Variants in TTN observed in about 807,000 individuals in gnomAD.
TTN encodes the protein connectin.
TTN carries 1,525 observed loss-of-function variants against 3,223.0 expected under a neutral mutation model. The ratio of observed to expected loss-of-function variants is 0.47; its 90% CI spans 0.45 to 0.49. TTN has a LOEUF of 0.49. Ranked by LOEUF, TTN falls within the 20% of genes least tolerant of loss-of-function variation. The probability of loss-of-function intolerance (pLI) is 0.00; values close to 1 mark genes in which losing one functional copy is unlikely to be tolerated. For missense variants in TTN, 40,786 were observed against 43,424.0 expected, an observed-to-expected ratio of 0.94 and a Z score of 5.40; for synonymous variants, 14,094 against 15,161.0, an observed-to-expected ratio of 0.93 and a Z score of 5.17.
rs2046840597 is a variant in TTN at position 178,578,049 on chromosome 2, A to G, written c.68466T>C (p.Asn22822=). 6.2e-7 allele frequency: 1 copy of G among 1,613,144 alleles called. No individual in the cohort carries two copies. The highest frequency in any genetic ancestry group is 1.3e-5 in the African/African-American group (1 of 74,880). Residue 22822 remains asparagine (N), a synonymous_variant, in exon 322 of 363, where the codon AAT becomes AAC. Coordinates refer to ENST00000589042, the MANE Select transcript of TTN (RefSeq NM_001267550.2). ...LEYEFRVMAI[N]LAGVGKPSLP... Reference sequence around the variant, plus strand: ...GGCTTGGCTTGCCCACACCTGCTAAATTGATTGCCATAACTCGGAATTCAT... The same window carrying G: ...GGCTTGGCTTGCCCACACCTGCTAAGTTGATTGCCATAACTCGGAATTCAT...
At position 178,610,246 on chromosome 2, in the gene TTN, A is replaced by G; in HGVS notation, c.51280T>C (p.Tyr17094His). The G allele has an allele frequency of 2.5e-6, 4 of 1,613,004 alleles. No individual in the cohort carries two copies. The highest frequency in any genetic ancestry group is 1.7e-6 in the Non-Finnish European group (2 of 1,179,288). The change falls in exon 271 of 363, where the codon TAT becomes CAT. Residue 17094 changes from tyrosine (Y) to histidine (H), a missense_variant. Tyr to His is a moderately conservative substitution (Grantham distance 83). Coordinates refer to ENST00000589042, the MANE Select transcript of TTN (RefSeq NM_001267550.2). ...TTCTCACCAGACATGACTGGTATAT[A>G]TGTTCTCCTCCCAGCTTCTCTGCGC... ...LERREAGRRTYIPVMSGENKL... is the reference protein window; with the variant it reads ...LERREAGRRTHIPVMSGENKL...
chr2:178,527,624 AC>A lies in TTN; in HGVS notation c.107501del (p.Ser35834IlefsTer10). The A allele has an allele frequency of 6.2e-7, 1 of 1,613,966 alleles. No individual in the cohort carries two copies. Among genetic ancestry groups the A allele is most frequent in the Non-Finnish European group, 8.5e-7 (1 of 1,179,848 alleles). Reference protein sequence around the residue: ...SASKQEASFSSFSSSSASSMT... With the variant: ...SASKQEASFSXFSSSSASSMT... Reference sequence around the variant, plus strand: ...TGCTGCTAGCACTGCTGCTGCTGAAACTGCTGAAGGAGGCCTCCTGCTTGGA... The same window carrying A: ...TGCTGCTAGCACTGCTGCTGCTGAAATGCTGAAGGAGGCCTCCTGCTTGGA... On this transcript the variant is annotated frameshift_variant, in exon 362 of 363. Coordinates refer to ENST00000589042, the MANE Select transcript of TTN (RefSeq NM_001267550.2). LOFTEE classifies it high-confidence loss of function.
Position 178,707,598 on chromosome 2 carries a change from A to T in TTN, c.28969T>A (p.Ser9657Thr). 6.2e-7 allele frequency: 1 copy of T among 1,613,870 alleles called. No individual in the cohort carries two copies. ...LELRDVAKAD[S>T]GDYVCKASNV... ...GAAGCTTTACACACATAATCTCCCG[A>T]ATCTGCTTTAGCCACATCTCTGAGT... Residue 9657 changes from serine to threonine, a missense_variant, in exon 100 of 363, where the codon TCG becomes ACG. Ser to Thr is a moderately conservative substitution (Grantham distance 58). Coordinates refer to ENST00000589042, the MANE Select transcript of TTN (RefSeq NM_001267550.2).
At position 178,768,098 on chromosome 2, in the gene TTN, C is replaced by G; in HGVS notation, c.9221G>C (p.Arg3074Pro). The G allele has an allele frequency of 6.2e-7, 1 of 1,614,072 alleles. No homozygotes were observed. The highest frequency in any genetic ancestry group is 2.2e-5 in the East Asian group (1 of 44,834). The change falls in exon 39 of 363, where the codon CGA (arginine) becomes CCA (proline). Residue 3074 changes from arginine to proline, a missense_variant. Coordinates refer to ENST00000589042, the MANE Select transcript of TTN (RefSeq NM_001267550.2). ...AGAAACTTCACATTCAAACATGGCT[C>G]GCTTCTTCTCCAGTACCTTAATGTC... Reference protein sequence around the residue: ...IKDIKVLEKKRAMFECEVSEP... With the variant: ...IKDIKVLEKKPAMFECEVSEP...
intron 62 of TTN, 31 bp downstream of exon 62, chr2:178,730,062 G>C: frequency 9.8e-7 from 1 of 1,018,792 alleles, no homozygotes; most frequent in Non-Finnish European, 1.4e-6. Context: ...ATCTAGACAA[G>C]CAAGAAAGTG....
In TTN at chr2:178,556,939, C is replaced by T; in HGVS notation, c.88215G>A (p.Gln29405=). 6.2e-7 allele frequency: 1 copy of T among 1,613,770 alleles called. No homozygotes were observed. The highest frequency in any genetic ancestry group is 8.5e-7 in the Non-Finnish European group (1 of 1,179,812). Reference sequence around the variant, plus strand: ...TCCTAGCAAAGACACGGAATTCATACTGGGAATTCTGAGTCAAGCCAGAGA... The same window carrying T: ...TCCTAGCAAAGACACGGAATTCATATTGGGAATTCTGAGTCAAGCCAGAGA... The part of the protein sequence containing the change: ...FIISGLTQNS[Q]YEFRVFARNA... Residue 29405 remains glutamine (Q), a synonymous_variant, in exon 330 of 363, where the codon CAG becomes CAA. Coordinates refer to ENST00000589042, the MANE Select transcript of TTN (RefSeq NM_001267550.2).
At position 178,552,101 on chromosome 2, in the gene TTN, T is replaced by C. The variant is rs377365979; in HGVS notation, c.90799A>G (p.Thr30267Ala). Residue 30267 changes from threonine to alanine, a missense_variant, in exon 335 of 363, where the codon ACT becomes GCT. Thr to Ala is a moderately conservative substitution (Grantham distance 58). Transcript: ENST00000589042. ...ACCATCTTCCAGTTAGTTTGTGAAG[T>C]TTCCCGCTTCTCGATGCTGTAACAA... ...ITCYSIEKRETSQTNWKMVCS... is the reference protein window; with the variant it reads ...ITCYSIEKREASQTNWKMVCS... 5.6e-6 allele frequency: 9 copies of C among 1,613,656 alleles called. No homozygotes were observed. The highest frequency in any genetic ancestry group is 7.6e-6 in the Non-Finnish European group (9 of 1,179,772).
In TTN at chr2:178,571,850, C is replaced by G. The variant is rs1708301817; in HGVS notation, c.74282G>C (p.Arg24761Thr). 1.9e-6 allele frequency: 3 copies of G among 1,613,560 alleles called. No homozygotes were observed. Among genetic ancestry groups the G allele is most frequent in the Non-Finnish European group, 1.7e-6 (2 of 1,179,604 alleles). ...KDNVPLKQTT[R>T]VNAESTENNS... is the part of the protein sequence containing the mutation. ...ATTTTCTGTGCTCTCTGCATTTACT[C>G]TAGTTGTCTGCTTCAGTGGTACATT... The change falls in exon 326 of 363, where the codon AGA becomes ACA. Residue 24761 changes from arginine to threonine, a missense_variant. By Grantham distance (71) the Arg-to-Thr change is moderately conservative. Coordinates refer to ENST00000589042, the MANE Select transcript of TTN (RefSeq NM_001267550.2).
Position 178,554,761 on chromosome 2 carries a change from G to A in TTN, c.88595-9C>T. ...AGGTGGGCCTGGTTTGTCTATCAGT[G>A]AAAGGACAAAACACGATGTTAGTAC... On this transcript the variant is annotated splice_polypyrimidine_tract_variant and intron_variant, in intron 331 of 362. Transcript: ENST00000589042. 1 of 1,612,974 alleles carries A rather than the reference G, an allele frequency of 6.2e-7. No homozygotes were observed. The highest frequency in any genetic ancestry group is 8.5e-7 in the Non-Finnish European group (1 of 1,179,656).
intron 218 of TTN, among the ~76,000 whole-genome samples, chr2:178,643,522 TTAATG>T (rs2061508512): frequency 6.6e-6 from 1 of 151,964 alleles, no homozygotes; most frequent in Non-Finnish European, 1.5e-5. Flanking sequence ...ATGCATCTAA[TTAATG>T]TAAAGTGAGG....
rs1263615793 is a variant in TTN at position 178,566,318 on chromosome 2, C to G, written c.79814G>C (p.Arg26605Thr). 1.2e-6 allele frequency: 2 copies of G among 1,613,628 alleles called. No homozygotes were observed. The highest frequency in any genetic ancestry group is 1.7e-6 in the Non-Finnish European group (2 of 1,179,690). The change falls in exon 326 of 363, where the codon AGA (arginine) becomes ACA (threonine). Residue 26605 changes from arginine to threonine, a missense_variant. Coordinates refer to ENST00000589042, the MANE Select transcript of TTN (RefSeq NM_001267550.2). ...DSELRKGIVV[R>T]AGGSARIHIP... ...GTGAATTCTGGCAGATCCACCAGCT[C>G]TTACAACAATTCCTTTTCTTAATTC...
At chr2:178,746,132 T>C (rs1560965692) in intron 47 of TTN, 3 of 1,613,490 alleles carry the variant, frequency 1.9e-6, no homozygotes, top group Admixed American at 1.7e-5. Context: ...TTTAATATTA[T>C]CTGGCTCAAT....
Position 178,770,685 on chromosome 2 carries a change from A to T in TTN, c.8117-10T>A. ...TTCTTAATTTTGACAGCTAAAGACA[A>T]ATTTATGATTGGGTTAGAAAATATA... is the stretch of plus-strand genomic sequence containing the variant. On this transcript the variant is annotated splice_polypyrimidine_tract_variant and intron_variant, in intron 34 of 362. Coordinates refer to ENST00000589042, the MANE Select transcript of TTN (RefSeq NM_001267550.2). The T allele has an allele frequency of 6.2e-7, 1 of 1,608,888 alleles. No individual in the cohort carries two copies. Among genetic ancestry groups the T allele is most frequent in the Non-Finnish European group, 8.5e-7 (1 of 1,179,880 alleles).
At chr2:178,624,048 TC>T (rs2058681739) in intron 242 of TTN, among the ~76,000 whole-genome samples, 1 of 151,918 alleles carries the variant, frequency 6.6e-6, no homozygotes, top group Non-Finnish European at 1.5e-5. Context: ...TTCTAGTTGT[TC>T]CCCACACCTG....
chr2:178,607,908 G>C lies in TTN; in HGVS notation c.52879C>G (p.Arg17627Gly). 6.2e-7 allele frequency: 1 copy of C among 1,612,970 alleles called. No homozygotes were observed. The highest frequency in any genetic ancestry group is 8.5e-7 in the Non-Finnish European group (1 of 1,179,332). Residue 17627 changes from arginine (R) to glycine (G), a missense_variant, in exon 276 of 363, where the codon CGT becomes GGT. Transcript: ENST00000589042. ...SRCTEKMIKV[R>G]QYTVKEIREG... is the part of the protein sequence containing the mutation. ...CGGATTTCTTTGACGGTGTACTGACGGACCTTGATCATCTTCTCTGTGCAG... is the reference window on the plus strand; with the variant it reads ...CGGATTTCTTTGACGGTGTACTGACCGACCTTGATCATCTTCTCTGTGCAG...
In TTN at chr2:178,527,452, T is replaced by C. The variant is rs1426854550; in HGVS notation, c.107674A>G (p.Ile35892Val). ...CAGTAATTTTATTGCTCACCTCTTA[T>C]GCCTGCTTTAAGCATTTTACTAGTT... ...SSTSKMLKAG[I>V]RGIPPKIEAL... is the part of the protein sequence containing the mutation. The change falls in exon 362 of 363, where the codon ATA becomes GTA. Residue 35892 changes from isoleucine (I) to valine (V), a missense_variant. Coordinates refer to ENST00000589042, the MANE Select transcript of TTN (RefSeq NM_001267550.2). 2 of 1,612,976 alleles carry C rather than the reference T, an allele frequency of 1.2e-6. No individual in the cohort carries two copies. The highest frequency in any genetic ancestry group is 8.5e-7 in the Non-Finnish European group (1 of 1,179,138).
rs377290384 is a variant in TTN at position 178,578,712 on chromosome 2, A to C, written c.68228T>G (p.Val22743Gly). ...EPIVARHPFD[V>G]PDAPPPPNIV... is the part of the protein sequence containing the mutation. ...ATTGGGAGGTGGGGGAGCATCAGGCACATCTAGAAAAAAGTAGATAATGCA... is the reference window on the plus strand; with the variant it reads ...ATTGGGAGGTGGGGGAGCATCAGGCCCATCTAGAAAAAAGTAGATAATGCA... Residue 22743 changes from valine (V) to glycine (G), a missense_variant, in exon 321 of 363, where the codon GTG becomes GGG. Physicochemically the swap from Val to Gly is moderately radical, Grantham distance 109. Transcript: ENST00000589042. 6 of 1,608,782 alleles carry C rather than the reference A, an allele frequency of 3.7e-6. No individual in the cohort carries two copies. In the African/African-American group the frequency reaches 8.1e-5, roughly 22 times the overall value.
chr2:178,534,060 G>T lies in TTN; in HGVS notation c.102555C>A (p.Ile34185=). Residue 34185 remains isoleucine (I), a synonymous_variant, in exon 358 of 363, where the codon ATC becomes ATA. Coordinates refer to ENST00000589042, the MANE Select transcript of TTN (RefSeq NM_001267550.2). Reference sequence around the variant, plus strand: ...GGATGGCCACTCCATCTTCGTAGGTGATTTCGTATTTCTCACTGTTCTCCA... The same window carrying T: ...GGATGGCCACTCCATCTTCGTAGGTTATTTCGTATTTCTCACTGTTCTCCA... The part of the protein sequence containing the change: ...RQLENSEKYE[I]TYEDGVAILY... 1.2e-6 allele frequency: 2 copies of T among 1,613,948 alleles called. No individual in the cohort carries two copies. Among genetic ancestry groups the T allele is most frequent in the Non-Finnish European group, 1.7e-6 (2 of 1,179,852 alleles).
At chr2:178,600,740 A>C in intron 288 of TTN, 114 bp downstream of exon 288, 3 of 1,262,068 alleles carry the variant, frequency 2.4e-6, no homozygotes, top group Non-Finnish European at 2.3e-6. Flanking sequence ...TCTACATTCA[A>C]GCCATAGTAG....
Sources: gnomAD v4.1 joint callset for allele counts (sites outside exome capture counted in the v4.1 genomes callset) on GRCh38, gnomAD v4.1.1 for gene constraint, MANE v1.5 for transcripts, NCBI Gene and HGNC (gene_info 2026-07-23, HGNC 2026-07-21) for gene names.